ERBB4: variants seen among roughly 807,000 people sequenced by gnomAD.
ERBB4 encodes the protein receptor tyrosine-protein kinase erbB-4.
In ERBB4, 42 loss-of-function variants were observed where a neutral mutation model predicts 158.0. That is an observed-to-expected ratio of 0.27 (90% CI 0.21 to 0.34). The LOEUF (loss-of-function observed/expected upper bound fraction) is 0.34, where lower values mean the gene tolerates loss of function less well. ERBB4 is among the 10% of genes least tolerant of loss of function. The probability of loss-of-function intolerance (pLI) is 1.00; values close to 1 mark genes in which losing one functional copy is unlikely to be tolerated. For synonymous variants in ERBB4, 583 were observed against 558.7 expected (o/e 1.04, Z -0.61); for missense variants, 1,333 against 1,624.1 (o/e 0.82, Z 3.08).
At chr2:212,161,728 C>T (rs1275673032) in intron 1 of ERBB4, among the ~76,000 whole-genome samples, 1 of 151,760 alleles carries the variant, frequency 6.6e-6, no homozygotes, top group Admixed American at 6.6e-5. Flanking sequence ...GTACACTAGT[C>T]CTTTGAGTTA....
Position 211,931,232 on chromosome 2 carries a change from C to A in ERBB4, c.421+16198G>T, listed in dbSNP as rs565365267. ...TTGTTTTGCTATTATTTAGCCTTAG[C>A]AGGAAAACAAAATAATTTATTTTTA... On this transcript the variant is annotated intron_variant, in intron 3 of 27. Transcript: ENST00000342788. Among the ~76,000 whole-genome samples the A allele has an allele frequency of 1.1e-3, 167 of 152,074 alleles. 1 individual carries two copies. The highest frequency in any genetic ancestry group is 3.8e-4 in the Non-Finnish European group (26 of 67,964).
At chr2:212,202,041 T>A (rs1013821160) in intron 1 of ERBB4, among the ~76,000 whole-genome samples, 2 of 152,196 alleles carry the variant, frequency 1.3e-5, no homozygotes, top group African/African-American at 4.8e-5. Context: ...ATAGCAACAT[T>A]CATGAAATGT....
intron 1 of ERBB4, among the ~76,000 whole-genome samples, chr2:212,501,067 G>T (rs1208747041): frequency 1.3e-5 from 2 of 152,052 alleles, no homozygotes. Flanking sequence ...TAGACAGATG[G>T]GTAAGCTACA....
At chr2:212,364,934 T>C (rs2089830580) in intron 1 of ERBB4, among the ~76,000 whole-genome samples, 1 of 151,638 alleles carries the variant, frequency 6.6e-6, no homozygotes, top group Non-Finnish European at 1.5e-5. Context: ...TGTGTGTGTG[T>C]GTGTTTATCA....
intron 4 of ERBB4, among the ~76,000 whole-genome samples, chr2:211,755,040 C>T (rs574583082): frequency 7.7e-4 from 118 of 152,314 alleles, no homozygotes; most frequent in Non-Finnish European, 6.6e-4. Context: ...AAATAGTCCA[C>T]TTCTTTACTA....
chr2:212,433,669 G>A (rs4106226), intron 1 of ERBB4, among the ~76,000 whole-genome samples: 86,734 of 151,720 alleles, frequency 0.57, 26,147 homozygotes, highest in African/African-American at 0.76. Flanking sequence ...GAAGAGCTAT[G>A]ACTATATACA....
chr2:212,374,942 G>A (rs2090271085), intron 1 of ERBB4, among the ~76,000 whole-genome samples: 1 of 151,754 alleles, frequency 6.6e-6, no homozygotes, highest in Non-Finnish European at 1.5e-5. Context: ...AAGAAGAAGT[G>A]ATATTCTCTT....
At chr2:211,845,762 G>A (rs988455240) in intron 3 of ERBB4, among the ~76,000 whole-genome samples, 12 of 152,056 alleles carry the variant, frequency 7.9e-5, no homozygotes, top group African/African-American at 1.9e-4. Flanking sequence ...TGTGCAAAAC[G>A]TACTCATCTA....
At chr2:211,827,604 T>C (rs1270798681) in intron 3 of ERBB4, among the ~76,000 whole-genome samples, 1 of 151,960 alleles carries the variant, frequency 6.6e-6, no homozygotes, top group Non-Finnish European at 1.5e-5. Flanking sequence ...CTTTTTTTAA[T>C]GAAAAAATGT....
chr2:211,563,326 G>A (rs1192157645), intron 19 of ERBB4, among the ~76,000 whole-genome samples: 2 of 152,120 alleles, frequency 1.3e-5, no homozygotes, highest in East Asian at 3.9e-4. Context: ...GTAAATTTTT[G>A]CTTTTGAAAA....
At chr2:211,393,266 C>T (rs2062841319) in intron 25 of ERBB4, among the ~76,000 whole-genome samples, 1 of 152,040 alleles carries the variant, frequency 6.6e-6, no homozygotes, top group Non-Finnish European at 1.5e-5. Flanking sequence ...TACCCTATAC[C>T]ATGGACTATT....
intron 2 of ERBB4, among the ~76,000 whole-genome samples, chr2:212,037,740 G>C (rs1346783199): frequency 6.6e-6 from 1 of 152,186 alleles, no homozygotes; most frequent in Admixed American, 6.5e-5. Flanking sequence ...CAGGGGAAGG[G>C]ATGAAAGTAA....
intron 2 of ERBB4, among the ~76,000 whole-genome samples, chr2:212,055,718 C>G (rs913982129): frequency 1.3e-5 from 2 of 152,220 alleles, no homozygotes; most frequent in Non-Finnish European, 2.9e-5. Context: ...GCTGAGGGTC[C>G]TGACTGTTAG....
chr2:211,719,152 T>C (rs1489396208), intron 7 of ERBB4, among the ~76,000 whole-genome samples: 1 of 152,214 alleles, frequency 6.6e-6, no homozygotes, highest in Admixed American at 6.5e-5. Flanking sequence ...TAACACATTT[T>C]CATCATGTCT....
intron 12 of ERBB4, among the ~76,000 whole-genome samples, chr2:211,694,026 C>T (rs2072918836): frequency 6.6e-6 from 1 of 152,120 alleles, no homozygotes; most frequent in Non-Finnish European, 1.5e-5. Context: ...TGTGTCTCTT[C>T]TCTTCTTCTT....
intron 1 of ERBB4, among the ~76,000 whole-genome samples, chr2:212,276,518 T>C (rs1161321713): frequency 6.6e-6 from 1 of 151,748 alleles, no homozygotes. Context: ...TGGAAACCAG[T>C]CATTCACAAA....
chr2:211,567,464 A>G (rs756791176), intron 19 of ERBB4, among the ~76,000 whole-genome samples: 23 of 152,200 alleles, frequency 1.5e-4, no homozygotes, highest in Non-Finnish European at 2.9e-4. Context: ...GTCAAATAAA[A>G]TATTTCTCTC....
chr2:211,419,415 G>GAAAATATTCTTATGGCTA (rs919158435), intron 25 of ERBB4, among the ~76,000 whole-genome samples: 8 of 152,054 alleles, frequency 5.3e-5, no homozygotes, highest in Admixed American at 1.3e-4. Context: ...GCAGCAAGTT[G>GAAAATATTCTTATGGCTA]AAAATATTCT....
intron 1 of ERBB4, among the ~76,000 whole-genome samples, chr2:212,419,572 T>G (rs2091744534): frequency 6.6e-6 from 1 of 151,878 alleles, no homozygotes; most frequent in African/African-American, 2.4e-5. Context: ...TATATTTGCC[T>G]TTAATGCATA....
Sources: allele counts gnomAD v4.1 joint callset (sites outside exome capture counted in the v4.1 genomes callset), GRCh38; gene constraint gnomAD v4.1.1; transcripts MANE v1.5; gene names NCBI Gene and HGNC (gene_info 2026-07-23, HGNC 2026-07-21).